NPRL3: variants seen among roughly 807,000 people sequenced by gnomAD.
NPRL3 encodes NPR3 like, GATOR1 complex subunit, also known as GATOR1 complex protein NPRL3.
Under a neutral mutation model 57.2 loss-of-function variants are expected in NPRL3, and 23 were observed. The observed-to-expected ratio is 0.40, with a 90% confidence interval of 0.29 to 0.57. The LOEUF (loss-of-function observed/expected upper bound fraction) is 0.57. Ranked by LOEUF, NPRL3 falls within the 20% of genes least tolerant of loss-of-function variation. The probability of loss-of-function intolerance (pLI) is 0.42; values close to 1 mark genes in which losing one functional copy is unlikely to be tolerated. For synonymous variants in NPRL3, 333 were observed against 321.1 expected (o/e 1.04, Z -0.39); for missense variants, 691 against 767.1 (o/e 0.90, Z 1.17).
intron 2 of NPRL3, among the ~76,000 whole-genome samples, chr16:132,905 G>A (rs941807225): frequency 2.1e-4 from 32 of 152,040 alleles, no homozygotes; most frequent in Admixed American, 2.1e-3. Context: ...TCCTGACCTC[G>A]TGATCCGCCC....
At chr16:103,600 A>G (rs1403295481) in intron 7 of NPRL3, among the ~76,000 whole-genome samples, 2 of 152,012 alleles carry the variant, frequency 1.3e-5, no homozygotes, top group African/African-American at 4.8e-5. Flanking sequence ...GGCTCCCAGC[A>G]CCAGTTTAGG....
chr16:117,619 C>T (rs1900100870), intron 4 of NPRL3, among the ~76,000 whole-genome samples: 1 of 152,216 alleles, frequency 6.6e-6, no homozygotes, highest in African/African-American at 2.4e-5. Flanking sequence ...CTGACAATGC[C>T]CACAGGGGAC....
chr16:87,094 T>C (rs1345310780), intron 13 of NPRL3, among the ~76,000 whole-genome samples: 1 of 152,220 alleles, frequency 6.6e-6, no homozygotes, highest in African/African-American at 2.4e-5. Context: ...CGGAGTGGGT[T>C]CAGGACGGCA....
intron 2 of NPRL3, among the ~76,000 whole-genome samples, chr16:131,831 A>T (rs971985740): frequency 1.3e-4 from 20 of 152,132 alleles, no homozygotes; most frequent in Non-Finnish European, 8.8e-5. Flanking sequence ...CGGGACGTTG[A>T]CAGCACTTTA....
Position 89,749 on chromosome 16 carries a change from G to T in NPRL3, c.1315C>A (p.Leu439Ile). Residue 439 changes from leucine to isoleucine, a missense_variant, in exon 12 of 14, where the codon CTC (leucine) becomes ATC (isoleucine). Coordinates refer to ENST00000611875, the MANE Select transcript of NPRL3 (RefSeq NM_001077350.3). Reference protein sequence around the residue: ...PFTARVGGRSLSTPNALSFGS... With the variant: ...PFTARVGGRSISTPNALSFGS... ...AAGCTGAGGGCGTTGGGCGTGCTGA[G>T]GCTGCGACCGCCGACCCGGGCAGTG... The T allele has an allele frequency of 6.3e-7, 1 of 1,596,206 alleles. No homozygotes were observed. Among genetic ancestry groups the T allele is most frequent in the Non-Finnish European group, 8.5e-7 (1 of 1,174,148 alleles).
At chr16:102,544 C>T (rs1046663426) in intron 7 of NPRL3, among the ~76,000 whole-genome samples, 3 of 152,220 alleles carry the variant, frequency 2.0e-5, no homozygotes, top group African/African-American at 2.4e-5. Context: ...AGCACCTCCC[C>T]GCATCATGTT....
chr16:110,803 G>A (rs1899772774), intron 6 of NPRL3, among the ~76,000 whole-genome samples, 197 bp from the exon 7 acceptor site: 1 of 152,044 alleles, frequency 6.6e-6, no homozygotes. Flanking sequence ...ATCCACCTTG[G>A]CCTCCCAAAC....
chr16:102,939 G>A (rs1253234733), intron 7 of NPRL3, among the ~76,000 whole-genome samples: 2 of 152,120 alleles, frequency 1.3e-5, no homozygotes, highest in Non-Finnish European at 2.9e-5. Context: ...CAAACCCTGA[G>A]AAATGTCCCA....
chr16:137,766 T>C (rs998172112), intron 2 of NPRL3, among the ~76,000 whole-genome samples: 32 of 152,120 alleles, frequency 2.1e-4, no homozygotes, highest in African/African-American at 6.5e-4. Context: ...GTTTCAACCA[T>C]GTTGGCCAGG....
chr16:131,956 C>G (rs1248329027), intron 2 of NPRL3, among the ~76,000 whole-genome samples: 1 of 151,904 alleles, frequency 6.6e-6, no homozygotes, highest in Non-Finnish European at 1.5e-5. Context: ...ACAATGTTTA[C>G]AACATCTTTA....
intron 5 of NPRL3, among the ~76,000 whole-genome samples, chr16:114,333 C>CA (rs1489794897): frequency 1.3e-5 from 2 of 152,200 alleles, no homozygotes; most frequent in Non-Finnish European, 2.9e-5. Context: ...AGAAAGCTAA[C>CA]ACCTAGGGTG....
At chr16:104,362 A>C (rs543012998) in intron 7 of NPRL3, among the ~76,000 whole-genome samples, 1 of 152,314 alleles carries the variant, frequency 6.6e-6, no homozygotes, top group South Asian at 2.1e-4. Context: ...GAGCATTAGA[A>C]ACTGGAGAGA....
intron 9 of NPRL3, among the ~76,000 whole-genome samples, chr16:95,255 A>G (rs1567132133): frequency 6.6e-6 from 1 of 151,356 alleles, no homozygotes; most frequent in Non-Finnish European, 1.5e-5. Flanking sequence ...GGGGGCCATT[A>G]TTCAGCCAAT....
intron 7 of NPRL3, among the ~76,000 whole-genome samples, chr16:109,735 C>T (rs1281642839): frequency 2.0e-5 from 3 of 152,056 alleles, no homozygotes; most frequent in Admixed American, 6.6e-5. Flanking sequence ...TTGCCAACAT[C>T]GAGTCTCGTG....
At position 86,597 on chromosome 16, in the gene NPRL3, A is replaced by G; in HGVS notation, c.*108T>C. Reference sequence around the variant, plus strand: ...GGCCAGCCCGCATCCACCCAATGCCAGGCCTCAGGGCCAAGAGGGCTCAGC... The same window carrying G: ...GGCCAGCCCGCATCCACCCAATGCCGGGCCTCAGGGCCAAGAGGGCTCAGC... On this transcript the variant is annotated 3_prime_UTR_variant, in exon 14 of 14. Transcript: ENST00000611875. 2 of 1,165,718 alleles carry G rather than the reference A, an allele frequency of 1.7e-6. No individual in the cohort carries two copies. The highest frequency in any genetic ancestry group is 2.6e-5 in the East Asian group (1 of 38,624). The allele number at this position is 1,165,718 out of a possible 1,614,324, so 72.2% of individuals were successfully genotyped here.
chr16:131,836 A>C (rs1383117721), intron 2 of NPRL3, among the ~76,000 whole-genome samples: 1 of 152,052 alleles, frequency 6.6e-6, no homozygotes, highest in African/African-American at 2.4e-5. Flanking sequence ...CGTTGACAGC[A>C]CTTTATCCAC....
intron 9 of NPRL3, among the ~76,000 whole-genome samples, chr16:94,366 T>C (rs1162188178): frequency 6.6e-6 from 1 of 152,204 alleles, no homozygotes; most frequent in South Asian, 2.1e-4. Flanking sequence ...CTCCACCCTC[T>C]TGGCGGGTAG....
intron 11 of NPRL3, among the ~76,000 whole-genome samples, chr16:92,363 T>C (rs1000372016): frequency 1.1e-4 from 16 of 152,248 alleles, no homozygotes; most frequent in African/African-American, 3.1e-4. Flanking sequence ...GTGGGCTCTA[T>C]GGGGAGGGAA....
At chr16:130,210 T>C (rs545582853) in intron 3 of NPRL3, among the ~76,000 whole-genome samples, 54 of 152,204 alleles carry the variant, frequency 3.5e-4, no homozygotes, top group African/African-American at 1.1e-3. Flanking sequence ...GACAACAACA[T>C]AGGGGTCTGC....
Sources: allele counts gnomAD v4.1 joint callset (sites outside exome capture counted in the v4.1 genomes callset), GRCh38; gene constraint gnomAD v4.1.1; transcripts MANE v1.5; gene names NCBI Gene and HGNC (gene_info 2026-07-23, HGNC 2026-07-21).